Variants in MRTFB observed in about 807,000 individuals in gnomAD.
MRTFB encodes the protein myocardin related transcription factor B, also known as myocardin-related transcription factor B.
Under a neutral mutation model 104.2 loss-of-function variants are expected in MRTFB, and 29 were observed. That is an observed-to-expected ratio of 0.28 (90% CI 0.21 to 0.38). MRTFB has a LOEUF of 0.38. MRTFB is among the 10% of genes least tolerant of loss of function. The pLI, the probability that MRTFB is intolerant of heterozygous loss-of-function variation, is 1.00. For missense variants in MRTFB, 1,270 were observed against 1,341.6 expected (o/e 0.95, Z 0.83); for synonymous variants, 535 against 519.5 (o/e 1.03, Z -0.41).
chr16:14,021,037 G>A, the MRTFB span: 1 of 152,226 alleles, frequency 6.6e-6, no homozygotes, highest in Non-Finnish European at 1.5e-5. Context: ...CATGTGGTAT[G>A]TCAGTGGAGG....
chr16:14,042,665 T>C, the MRTFB span, among the ~76,000 whole-genome samples: 9 of 152,252 alleles, frequency 5.9e-5, no homozygotes, highest in African/African-American at 1.9e-4. Context: ...TCCCTGGCCT[T>C]TAAATTTGCA....
chr16:14,127,952 CTTT>C (rs1353515953), intron 2 of MRTFB, among the ~76,000 whole-genome samples: 30 of 74,208 alleles, frequency 4.0e-4, no homozygotes, highest in Non-Finnish European at 7.1e-4. Context: ...TTTTTTTTTT[CTTT>C]TTTTCCCCTT....
At chr16:14,068,483 G>A (rs184567844), upstream of MRTFB, among the ~76,000 whole-genome samples, 346 of 152,264 alleles carry the variant, frequency 2.3e-3, no homozygotes, top group Admixed American at 4.8e-3. Context: ...TGTTGGTCAC[G>A]AAAGGCAAAG....
At chr16:14,040,529 C>G in the MRTFB span, among the ~76,000 whole-genome samples, 816 of 150,046 alleles carry the variant, frequency 5.4e-3, 4 homozygotes, top group Non-Finnish European at 9.3e-3. Context: ...GTGGCACAAT[C>G]TCAGCTCACT....
In MRTFB at chr16:14,085,461, A is replaced by G. The variant is rs1225452551; in HGVS notation, c.-64+6107A>G. On this transcript the variant is annotated intron_variant, in intron 2 of 16. Coordinates refer to ENST00000571589, the MANE Select transcript of MRTFB (RefSeq NM_001308142.2). ...AATAAGAGTGAAATTCCATCTCAAA[A>G]AAAAAAAAAAAAAAGCGAAAAGGAA... 2.6e-5 allele frequency among the ~76,000 whole-genome samples: 4 copies of G among 151,506 alleles called. No individual in the cohort carries two copies. In the East Asian group the frequency reaches 7.7e-4, roughly 29 times the overall value.
intron 8 of MRTFB, among the ~76,000 whole-genome samples, chr16:14,225,600 G>A (rs1389952287): frequency 6.6e-6 from 1 of 152,144 alleles, no homozygotes; most frequent in Non-Finnish European, 1.5e-5. Flanking sequence ...TATTTTATAG[G>A]AACTTAAAAA....
At chr16:14,046,220 G>A in the MRTFB span, among the ~76,000 whole-genome samples, 7 of 152,256 alleles carry the variant, frequency 4.6e-5, no homozygotes, top group South Asian at 2.1e-4. Flanking sequence ...CAGCTACTCC[G>A]GAGGCCGAGA....
the MRTFB span, among the ~76,000 whole-genome samples, chr16:14,032,785 C>A: frequency 6.6e-6 from 1 of 152,084 alleles, no homozygotes; most frequent in African/African-American, 2.4e-5. Flanking sequence ...TTGGTGTCTG[C>A]AGAGATTTGG....
At chr16:14,241,114 C>T in intron 10 of MRTFB, 1 of 292,126 alleles carries the variant, frequency 3.4e-6, no homozygotes, top group Non-Finnish European at 6.3e-6. Flanking sequence ...CCTTACTCAA[C>T]ACAGCAGATA....
intron 2 of MRTFB, among the ~76,000 whole-genome samples, chr16:14,108,344 G>T (rs187698284): frequency 6.6e-6 from 1 of 152,166 alleles, no homozygotes; most frequent in Non-Finnish European, 1.5e-5. Context: ...AACTTCTAGC[G>T]TTCAGGAAAG....
the MRTFB span, among the ~76,000 whole-genome samples, chr16:14,059,989 G>C: frequency 1.4e-5 from 2 of 144,898 alleles, no homozygotes; most frequent in African/African-American, 5.2e-5. Context: ...AAAACAGAGA[G>C]ACATGTAATT....
At chr16:13,998,662 G>C in the MRTFB span, among the ~76,000 whole-genome samples, 2 of 151,252 alleles carry the variant, frequency 1.3e-5, no homozygotes, top group Non-Finnish European at 2.9e-5. Flanking sequence ...GAAGGGGAAA[G>C]AGAAGGTGAA....
chr16:14,170,912 G>C (rs2039400202), intron 3 of MRTFB, among the ~76,000 whole-genome samples: 1 of 152,126 alleles, frequency 6.6e-6, no homozygotes, highest in African/African-American at 2.4e-5. Context: ...GTTAACAGAT[G>C]ACTTTCTACT....
chr16:14,014,964 CCT>C, the MRTFB span, among the ~76,000 whole-genome samples: 1 of 152,306 alleles, frequency 6.6e-6, no homozygotes, highest in South Asian at 2.1e-4. Context: ...CCACACCCTG[CCT>C]CTTTTTTTGT....
chr16:14,228,589 TAGAAAAC>T (rs2042115404), intron 8 of MRTFB, among the ~76,000 whole-genome samples: 2 of 144,848 alleles, frequency 1.4e-5, no homozygotes, highest in Non-Finnish European at 3.0e-5. Context: ...AAAAAAAAAA[TAGAAAAC>T]AGAAGTTAGA....
chr16:14,016,310 CT>C, the MRTFB span, among the ~76,000 whole-genome samples: 14 of 151,530 alleles, frequency 9.2e-5, no homozygotes, highest in African/African-American at 3.4e-4. Context: ...AATAAGGCTC[CT>C]CCCAGTCAGA....
chr16:14,032,088 G>A, the MRTFB span, among the ~76,000 whole-genome samples: 3 of 152,204 alleles, frequency 2.0e-5, no homozygotes, highest in Non-Finnish European at 1.5e-5. Context: ...GATTACAGGT[G>A]TGAGCCACTG....
intron 3 of MRTFB, among the ~76,000 whole-genome samples, chr16:14,205,839 A>G (rs1000418049): frequency 2.6e-5 from 4 of 152,174 alleles, no homozygotes; most frequent in Admixed American, 2.6e-4. Context: ...TGTCAACCCA[A>G]TAGTATGGTT....
rs2043929590 is a variant in MRTFB at position 14,265,834 on chromosome 16, A to T, written c.*4390A>T. 6.6e-6 allele frequency: 1 copy of T among 152,252 alleles called. No individual in the cohort carries two copies. The highest frequency in any genetic ancestry group is 2.4e-5 in the African/African-American group (1 of 41,462). The allele number at this position is 152,252 out of a possible 1,614,324, so 9.4% of individuals were successfully genotyped here. ...TCGGATCTACAAGGTGCTGTCGGGA[A>T]TCAAATAAAATATGTTATCAGAGAT... On this transcript the variant is annotated 3_prime_UTR_variant, in exon 17 of 17. Coordinates refer to ENST00000571589, the MANE Select transcript of MRTFB (RefSeq NM_001308142.2).
Sources: allele counts gnomAD v4.1 joint callset (sites outside exome capture counted in the v4.1 genomes callset), GRCh38; gene constraint gnomAD v4.1.1; transcripts MANE v1.5; gene names NCBI Gene and HGNC (gene_info 2026-07-23, HGNC 2026-07-21).